The following PPP2R3B variants were observed in gnomAD, a reference collection of about 807,000 sequenced individuals.
PPP2R3B encodes the protein serine/threonine-protein phosphatase 2A regulatory subunit B'' subunit beta.
PPP2R3B carries 68 observed loss-of-function variants against 72.9 expected under a neutral mutation model. That is an observed-to-expected ratio of 0.93 (90% confidence interval 0.77 to 1.14). PPP2R3B has a LOEUF of 1.14. PPP2R3B is among the 50% of genes most tolerant of loss of function. The pLI, the probability that PPP2R3B is intolerant of heterozygous loss-of-function variation, is 0.00. For missense variants in PPP2R3B, 1,018 were observed against 842.0 expected, an observed-to-expected ratio of 1.21 and a Z score of -2.59; for synonymous variants, 466 against 375.8, an observed-to-expected ratio of 1.24 and a Z score of -2.78.
Position 346,264 on chromosome X carries a change from CG to C in PPP2R3B, c.793-5del. On this transcript the variant is annotated splice_region_variant and splice_polypyrimidine_tract_variant and intron_variant, in intron 5 of 12. Coordinates refer to ENST00000390665, the MANE Select transcript of PPP2R3B (RefSeq NM_013239.5). ...CGTAGAAGATCCGCTGGATGACCTGCGGGGGCGCTGTCAGTGCGGTGGGTGC... is the reference window on the plus strand; with the variant it reads ...CGTAGAAGATCCGCTGGATGACCTGCGGGGCGCTGTCAGTGCGGTGGGTGC... 6.4e-7 allele frequency: 1 copy of C among 1,562,986 alleles called. No homozygotes were observed. Among genetic ancestry groups the C allele is most frequent in the South Asian group, 1.2e-5 (1 of 84,982 alleles).
At chrX:373,147 G>C (rs757272107) in intron 1 of PPP2R3B, among the ~76,000 whole-genome samples, 3 of 152,256 alleles carry the variant, frequency 2.0e-5, no homozygotes, top group Non-Finnish European at 4.4e-5. Flanking sequence ...GCAATGCAAG[G>C]TATATTTAAA....
intron 7 of PPP2R3B, among the ~76,000 whole-genome samples, chrX:343,764 C>G (rs1429457607): frequency 2.7e-5 from 1 of 36,446 alleles, no homozygotes; most frequent in Non-Finnish European, 5.4e-5. Context: ...GGAGTGAGAC[C>G]TCAGCAACGG....
At position 341,495 on chromosome X, in the gene PPP2R3B, C is replaced by T. The variant is rs1050288219; in HGVS notation, c.1086-99G>A. The stretch of plus-strand genomic sequence containing the variant: ...ACGCGCCTCGGTGAGGGGAGCCCCC[C>T]GGGCCCGGCCCTCCTCCTGCCCCCC... On this transcript the variant is annotated intron_variant, in intron 8 of 12. Coordinates refer to ENST00000390665, the MANE Select transcript of PPP2R3B (RefSeq NM_013239.5). 3.8e-5 allele frequency: 49 copies of T among 1,300,066 alleles called. No individual in the cohort carries two copies. In the African/African-American group the frequency reaches 5.6e-4, roughly 15 times the overall value. 80.5% of individuals were successfully genotyped at this position (1,300,066 alleles called of 1,614,324 possible).
At chrX:385,495 T>C (rs2072227505) in intron 1 of PPP2R3B, among the ~76,000 whole-genome samples, 1 of 152,056 alleles carries the variant, frequency 6.6e-6, no homozygotes, top group South Asian at 2.1e-4. Flanking sequence ...TATAATCACC[T>C]TCTATGAAAT....
intron 1 of PPP2R3B, among the ~76,000 whole-genome samples, chrX:372,108 GC>G (rs1178876649): frequency 6.6e-6 from 1 of 152,096 alleles, no homozygotes; most frequent in Non-Finnish European, 1.5e-5. Flanking sequence ...CATTGACTCT[GC>G]GACCAGCGAG....
chrX:351,891 C>A (rs1401831234), intron 2 of PPP2R3B, among the ~76,000 whole-genome samples: 1 of 152,102 alleles, frequency 6.6e-6, no homozygotes, highest in African/African-American at 2.4e-5. Flanking sequence ...AGTGAAGTCT[C>A]ACTATGTTGC....
chrX:341,545 G>A (rs375591040), intron 8 of PPP2R3B, 149 bp from the exon 9 acceptor site: 3 of 786,854 alleles, frequency 3.8e-6, no homozygotes, highest in East Asian at 2.5e-5. Context: ...CTGCCTCTCC[G>A]GGGAGGAGGT....
At chrX:344,147 GCAA>G (rs2071141867) in intron 7 of PPP2R3B, among the ~76,000 whole-genome samples, 1 of 15,526 alleles carries the variant, frequency 6.4e-5, no homozygotes, top group East Asian at 2.3e-3. Context: ...GGAGACCTCA[GCAA>G]CGGGAGGCGG....
chrX:368,081 G>C (rs866034486), intron 1 of PPP2R3B, among the ~76,000 whole-genome samples: 2 of 152,360 alleles, frequency 1.3e-5, no homozygotes, highest in East Asian at 3.9e-4. Flanking sequence ...GAGCCCGCTA[G>C]GCAAGGCGGA....
chrX:357,932 C>T (rs1482875458), intron 2 of PPP2R3B, among the ~76,000 whole-genome samples: 1 of 152,192 alleles, frequency 6.6e-6, no homozygotes, highest in Non-Finnish European at 1.5e-5. Context: ...AGAAGGCACA[C>T]ACGGACCTCG....
intron 2 of PPP2R3B, among the ~76,000 whole-genome samples, chrX:354,059 C>T (rs908089504): frequency 6.6e-5 from 9 of 137,028 alleles, no homozygotes; most frequent in South Asian, 2.3e-4. Flanking sequence ...ACCCAAAGAC[C>T]GGGGCTCGCC....
At chrX:341,083 CCCTGCCG>C in intron 9 of PPP2R3B, 143 bp from the exon 10 acceptor site, 1 of 1,255,994 alleles carries the variant, frequency 8.0e-7, no homozygotes, top group Non-Finnish European at 1.1e-6. Context: ...ATCCCCTGCC[CCCTGCCG>C]CCCCCACCGG....
In PPP2R3B at chrX:348,467, T is replaced by G. The variant is rs764791576; in HGVS notation, c.511-774A>C. 2.2e-4 allele frequency among the ~76,000 whole-genome samples: 33 copies of G among 151,410 alleles called. No homozygotes were observed. In the East Asian group the frequency reaches 6.5e-3, roughly 30 times the overall value. On this transcript the variant is annotated intron_variant, in intron 2 of 12. Coordinates refer to ENST00000390665, the MANE Select transcript of PPP2R3B (RefSeq NM_013239.5). ...GGCGGGCGCCTGTAATCCCAGCTACTCGGGAGGCTGAGGCAGGAGAATCAC... is the reference window on the plus strand; with the variant it reads ...GGCGGGCGCCTGTAATCCCAGCTACGCGGGAGGCTGAGGCAGGAGAATCAC...
intron 1 of PPP2R3B, 145 bp downstream of exon 1, chrX:386,223 G>C (rs1032256099): frequency 1.1e-5 from 5 of 462,616 alleles, no homozygotes; most frequent in African/African-American, 8.1e-5. Flanking sequence ...TGTGTGTGGT[G>C]GGGGGGGTCG....
chrX:361,500 C>G lies in PPP2R3B; in HGVS notation c.415G>C (p.Val139Leu). The G allele has an allele frequency of 6.2e-7, 1 of 1,614,018 alleles. No individual in the cohort carries two copies. Among genetic ancestry groups the G allele is most frequent in the African/African-American group, 1.3e-5 (1 of 75,062 alleles). The change falls in exon 2 of 13, where the codon GTC becomes CTC. Residue 139 changes from valine (V) to leucine (L), a missense_variant. Physicochemically the swap from Val to Leu is conservative, Grantham distance 32 (BLOSUM62 1). Transcript: ENST00000390665. ...YFPRGRPQDS[V>L]NVDAVISKIE... Reference sequence around the variant, plus strand: ...TTGCTGATGACGGCATCCACGTTGACGGAGTCCTGCGGGCGTCCTCTGGGG... The same window carrying G: ...TTGCTGATGACGGCATCCACGTTGAGGGAGTCCTGCGGGCGTCCTCTGGGG...
Position 361,554 on chromosome X carries a change from T to C in PPP2R3B, c.361A>G (p.Thr121Ala), listed in dbSNP as rs749200856. The change falls in exon 2 of 13, where the codon ACG becomes GCG. Residue 121 changes from threonine (T) to alanine (A), a missense_variant. Transcript: ENST00000390665. ...TRKEEPLPPA[T>A]SQSIPTFYFP... ...TAGAAGGTCGGAATGCTTTGGCTCG[T>C]GGCCGGGGGCAGAGGCTCTTCTTTC... 5 of 1,613,984 alleles carry C rather than the reference T, an allele frequency of 3.1e-6. No homozygotes were observed. Among genetic ancestry groups the C allele is most frequent in the Non-Finnish European group, 3.4e-6 (4 of 1,179,844 alleles).
At chrX:348,463 C>G (rs1243834197) in intron 2 of PPP2R3B, among the ~76,000 whole-genome samples, 4 of 151,814 alleles carry the variant, frequency 2.6e-5, no homozygotes, top group Non-Finnish European at 5.9e-5. Flanking sequence ...GTAATCCCAG[C>G]TACTCGGGAG....
chrX:346,402 G>A, intron 5 of PPP2R3B, 142 bp from the exon 6 acceptor site: 1 of 801,896 alleles, frequency 1.2e-6, no homozygotes, highest in East Asian at 2.8e-5. Context: ...GCAGAGGGAA[G>A]GGCCCTGCGG....
chrX:386,506 C>T lies in PPP2R3B; in HGVS notation c.186G>A (p.Pro62=), dbSNP rs183717015. 10,661 of 1,306,218 alleles carry T rather than the reference C, an allele frequency of 8.2e-3. 60 individuals are homozygous for T. Among genetic ancestry groups the T allele is most frequent in the Middle Eastern group, 0.015 (53 of 3,428 alleles). The allele number at this position is 1,306,218 out of a possible 1,614,324, so 80.9% of individuals were successfully genotyped here. A position where few individuals can be genotyped will look rare whatever the true frequency, so the allele number is the denominator to read the frequency against. The change falls in exon 1 of 13, where the codon CCG becomes CCA. Residue 62 remains proline, a synonymous_variant. Coordinates refer to ENST00000390665, the MANE Select transcript of PPP2R3B (RefSeq NM_013239.5). ...GEQPGAWPTA[P]LAAPRPSGLE... ...GCCCGCTGGGCCGGGGGGCGGCGAG[C>T]GGGGCTGTGGGCCAGGCCCCGGGCT...
Sources: allele counts gnomAD v4.1 joint callset (sites outside exome capture counted in the v4.1 genomes callset), GRCh38; gene constraint gnomAD v4.1.1; transcripts MANE v1.5; gene names NCBI Gene and HGNC (gene_info 2026-07-23, HGNC 2026-07-21).